Variants in SUPT3H observed in about 807,000 individuals in gnomAD.
SUPT3H encodes SPT3 homolog, SAGA and STAGA complex component, also known as transcription initiation protein SPT3 homolog.
In SUPT3H, 44 loss-of-function variants were observed where a neutral mutation model predicts 44.3. That is an observed-to-expected ratio of 0.99 (90% confidence interval 0.78 to 1.28). The LOEUF (loss-of-function observed/expected upper bound fraction) is 1.28. SUPT3H is among the 50% of genes most tolerant of loss of function. The pLI is 0.00. For synonymous variants in SUPT3H, 124 were observed against 125.6 expected, an observed-to-expected ratio of 0.99 and a Z score of 0.09; for missense variants, 380 against 387.1, an observed-to-expected ratio of 0.98 and a Z score of 0.15.
At chr6:44,946,125 C>T (rs1427798101) in intron 9 of SUPT3H, among the ~76,000 whole-genome samples, 13 of 152,158 alleles carry the variant, frequency 8.5e-5, no homozygotes, top group Admixed American at 3.9e-4. Flanking sequence ...GCATGGCTTA[C>T]TGAATATTTT....
chr6:45,245,529 C>A (rs931833349), intron 2 of SUPT3H, among the ~76,000 whole-genome samples: 1 of 152,234 alleles, frequency 6.6e-6, no homozygotes, highest in South Asian at 2.1e-4. Context: ...TAAGTGGAAT[C>A]GCATAACATT....
chr6:44,890,887 C>T (rs1210345841), intron 10 of SUPT3H, among the ~76,000 whole-genome samples: 2 of 151,250 alleles, frequency 1.3e-5, no homozygotes, highest in Non-Finnish European at 2.9e-5. Context: ...AGCAAACCAA[C>T]ACAGGAACAG....
At chr6:45,255,318 CCATATTTAT>C (rs1459253777) in intron 2 of SUPT3H, among the ~76,000 whole-genome samples, 2 of 151,802 alleles carry the variant, frequency 1.3e-5, no homozygotes, top group Non-Finnish European at 2.9e-5. Flanking sequence ...TTAATTTTTA[CCATATTTAT>C]CATTATTTAA....
At chr6:45,176,798 C>T (rs1283065804) in intron 2 of SUPT3H, among the ~76,000 whole-genome samples, 1 of 152,158 alleles carries the variant, frequency 6.6e-6, no homozygotes, top group Non-Finnish European at 1.5e-5. Flanking sequence ...CTAGGAGGCA[C>T]CCCCAGCAGG....
At chr6:45,068,553 T>C (rs557680732) in intron 3 of SUPT3H, among the ~76,000 whole-genome samples, 30 of 152,304 alleles carry the variant, frequency 2.0e-4, no homozygotes, top group Admixed American at 1.1e-3. Context: ...TCGGTACTAA[T>C]AGCAAGTTGA....
intron 3 of SUPT3H, among the ~76,000 whole-genome samples, chr6:45,043,637 A>G (rs1017596694): frequency 6.6e-6 from 1 of 152,190 alleles, no homozygotes; most frequent in African/African-American, 2.4e-5. Context: ...CATGGAAAGC[A>G]AAAATGTCCC....
chr6:44,852,446 T>C (rs1050735896), intron 10 of SUPT3H, among the ~76,000 whole-genome samples: 10 of 152,104 alleles, frequency 6.6e-5, no homozygotes. Flanking sequence ...GGCTCTATTT[T>C]TACATTTTTA....
chr6:45,049,630 G>A (rs761122524), intron 3 of SUPT3H, among the ~76,000 whole-genome samples: 3 of 152,162 alleles, frequency 2.0e-5, no homozygotes, highest in African/African-American at 7.2e-5. Context: ...GTGACTGTAA[G>A]AGCAGGGCCT....
chr6:45,254,597 T>C (rs1402319971), intron 2 of SUPT3H, among the ~76,000 whole-genome samples: 1 of 152,174 alleles, frequency 6.6e-6, no homozygotes, highest in Non-Finnish European at 1.5e-5. Context: ...AGAAGAGAGC[T>C]GTAGTATCAG....
chr6:45,007,139 G>A (rs1276155776), intron 5 of SUPT3H, among the ~76,000 whole-genome samples: 1 of 151,982 alleles, frequency 6.6e-6, no homozygotes, highest in Admixed American at 6.6e-5. Flanking sequence ...TCTAGCTTCC[G>A]GTGTTATACA....
intron 6 of SUPT3H, among the ~76,000 whole-genome samples, chr6:45,003,305 GT>G (rs531155858): frequency 2.2e-4 from 33 of 152,030 alleles, no homozygotes; most frequent in Non-Finnish European, 4.4e-4. Flanking sequence ...AATTAGTTTT[GT>G]TTACAAATAA....
In SUPT3H at chr6:45,096,583, A is replaced by T. The variant is rs73737884; in HGVS notation, c.186+9339T>A. Among the ~76,000 whole-genome samples, 1,312 of 152,236 alleles carry T rather than the reference A, an allele frequency of 8.6e-3. 24 individuals are homozygous for T. Among genetic ancestry groups the T allele is most frequent in the African/African-American group, 0.03 (1,236 of 41,534 alleles). ...CATTAGATGAGAGGATATAGATTCCACATGGGAACAACAGGTCAAAGAAAG... is the reference window on the plus strand; with the variant it reads ...CATTAGATGAGAGGATATAGATTCCTCATGGGAACAACAGGTCAAAGAAAG... On this transcript the variant is annotated intron_variant, in intron 3 of 10. Transcript: ENST00000371459.
At chr6:45,016,942 T>C (rs1784376558) in intron 4 of SUPT3H, among the ~76,000 whole-genome samples, 2 of 150,910 alleles carry the variant, frequency 1.3e-5, no homozygotes, top group South Asian at 2.1e-4. Context: ...ATGGTTGAAC[T>C]AGTTTACAGT....
rs1766064628 is a variant in SUPT3H, at chr6:45,221,590, AAATG to A, written c.102-115588_102-115585del. Among the ~76,000 whole-genome samples, 5 of 152,284 alleles carry A rather than the reference AAATG, an allele frequency of 3.3e-5. No individual in the cohort carries two copies. In the South Asian group the frequency reaches 1.0e-3, roughly 32 times the overall value. Reference sequence around the variant, plus strand: ...ATGAAAGAAATCAGACAACCTAAATAAATGGAGACACAGTTTATGTTCATAGATT... The same window carrying A: ...ATGAAAGAAATCAGACAACCTAAATAGAGACACAGTTTATGTTCATAGATT... On this transcript the variant is annotated intron_variant, in intron 2 of 10. Transcript: ENST00000371459.
intron 10 of SUPT3H, among the ~76,000 whole-genome samples, chr6:44,878,584 AT>A (rs1777680522): frequency 1.3e-5 from 2 of 152,254 alleles, no homozygotes; most frequent in African/African-American, 4.8e-5. Flanking sequence ...ACACTTACGC[AT>A]TGCTCGTAGT....
intron 2 of SUPT3H, among the ~76,000 whole-genome samples, chr6:45,205,513 A>C (rs1763088234): frequency 6.6e-6 from 1 of 152,144 alleles, no homozygotes; most frequent in Non-Finnish European, 1.5e-5. Flanking sequence ...TCAAAAAAGC[A>C]ATGGTTGCGG....
At chr6:45,010,899 T>C (rs928578976) in intron 5 of SUPT3H, among the ~76,000 whole-genome samples, 14 of 152,216 alleles carry the variant, frequency 9.2e-5, no homozygotes, top group African/African-American at 3.4e-4. Flanking sequence ...CTTCTCTTCC[T>C]GGTTTGTTGA....
chr6:45,136,792 A>G (rs1485454103), intron 2 of SUPT3H, among the ~76,000 whole-genome samples: 10 of 152,152 alleles, frequency 6.6e-5, no homozygotes, highest in African/African-American at 2.2e-4. Context: ...CTCACAGAAC[A>G]TAAGTGTTCT....
At chr6:45,023,839 T>C (rs1301796362) in intron 3 of SUPT3H, among the ~76,000 whole-genome samples, 2 of 152,008 alleles carry the variant, frequency 1.3e-5, no homozygotes, top group Non-Finnish European at 1.5e-5. Context: ...ATAATCTGTA[T>C]AACAAACCCC....
Sources: gnomAD v4.1 joint callset for allele counts (sites outside exome capture counted in the v4.1 genomes callset) on GRCh38, gnomAD v4.1.1 for gene constraint, MANE v1.5 for transcripts, NCBI Gene and HGNC (gene_info 2026-07-23, HGNC 2026-07-21) for gene names.